The following ROR1 variants were observed in gnomAD, a reference collection of about 807,000 sequenced individuals.
ROR1 encodes the protein inactive tyrosine-protein kinase transmembrane receptor ROR1.
A neutral mutation model predicts 78.8 loss-of-function variants in ROR1; 19 were observed. The ratio of observed to expected loss-of-function variants is 0.24; its 90% CI spans 0.17 to 0.35. ROR1 has a LOEUF of 0.35. ROR1 is among the 10% of genes least tolerant of loss of function. The probability of loss-of-function intolerance (pLI) is 1.00; values close to 1 mark genes in which losing one functional copy is unlikely to be tolerated. For missense variants in ROR1, 917 were observed against 1,177.8 expected (o/e 0.78, Z 3.24); for synonymous variants, 386 against 433.6 (o/e 0.89, Z 1.36).
At chr1:63,801,770 T>G (rs371105234) in intron 1 of ROR1, among the ~76,000 whole-genome samples, 1 of 152,282 alleles carries the variant, frequency 6.6e-6, no homozygotes. Context: ...AGAAATGAAA[T>G]TAACTATTTT....
chr1:63,944,743 CAG>C (rs1486520332), intron 1 of ROR1, among the ~76,000 whole-genome samples: 1 of 152,136 alleles, frequency 6.6e-6, no homozygotes. Flanking sequence ...GCTCTGGATG[CAG>C]AGTCAGGAGA....
intron 4 of ROR1, among the ~76,000 whole-genome samples, chr1:64,073,610 AC>A (rs1282091671): frequency 3.9e-5 from 6 of 152,092 alleles, no homozygotes; most frequent in Non-Finnish European, 8.8e-5. Flanking sequence ...CTCTGCATAC[AC>A]CCCACAATTA....
chr1:63,793,296 A>G (rs1163682904), intron 1 of ROR1, among the ~76,000 whole-genome samples: 3 of 152,194 alleles, frequency 2.0e-5, no homozygotes, highest in Non-Finnish European at 4.4e-5. Flanking sequence ...CATGATGGCG[A>G]TGGTAAGCTC....
chr1:63,841,619 A>G (rs1176222217), intron 1 of ROR1, among the ~76,000 whole-genome samples: 3 of 152,216 alleles, frequency 2.0e-5, no homozygotes, highest in Non-Finnish European at 4.4e-5. Flanking sequence ...TGAGACTCTG[A>G]TTTGAGAAAA....
intron 1 of ROR1, among the ~76,000 whole-genome samples, chr1:63,918,784 G>A (rs1465193018): frequency 6.6e-6 from 1 of 152,142 alleles, no homozygotes; most frequent in East Asian, 1.9e-4. Context: ...AGTGAGGCAT[G>A]AGGCTGAGTG....
At chr1:64,169,217 C>T (rs1307402624) in intron 8 of ROR1, among the ~76,000 whole-genome samples, 1 of 152,192 alleles carries the variant, frequency 6.6e-6, no homozygotes, top group Non-Finnish European at 1.5e-5. Flanking sequence ...GCTCATCATT[C>T]CTCTGATGGG....
intron 1 of ROR1, among the ~76,000 whole-genome samples, chr1:63,836,112 A>G (rs546964707): frequency 5.3e-5 from 8 of 152,314 alleles, no homozygotes; most frequent in Non-Finnish European, 7.3e-5. Flanking sequence ...CTTCCTCCCA[A>G]TAGCCCCACT....
chr1:63,826,969 A>G (rs1644957601), intron 1 of ROR1, among the ~76,000 whole-genome samples: 1 of 152,084 alleles, frequency 6.6e-6, no homozygotes, highest in East Asian at 1.9e-4. Flanking sequence ...TTTGGTACGT[A>G]TACACCATGG....
intron 1 of ROR1, among the ~76,000 whole-genome samples, chr1:63,916,083 C>T (rs1429741235): frequency 6.6e-6 from 1 of 152,190 alleles, no homozygotes; most frequent in Non-Finnish European, 1.5e-5. Context: ...ATGCTACTCC[C>T]AAAGCTTATA....
At chr1:64,106,620 G>C (rs1022188172) in intron 4 of ROR1, 1 of 152,058 alleles carries the variant, frequency 6.6e-6, no homozygotes, top group African/African-American at 2.4e-5. Context: ...CTTTTATTTT[G>C]AGATATGTTC....
chr1:63,807,843 T>A (rs1054252810), intron 1 of ROR1, among the ~76,000 whole-genome samples: 1 of 152,138 alleles, frequency 6.6e-6, no homozygotes, highest in Non-Finnish European at 1.5e-5. Context: ...GATACAAAGA[T>A]GCGTGGACAC....
intron 1 of ROR1, among the ~76,000 whole-genome samples, chr1:63,859,055 G>C (rs558691133): frequency 2.0e-5 from 3 of 152,182 alleles, no homozygotes; most frequent in Non-Finnish European, 4.4e-5. Context: ...CCCTTCTGTT[G>C]TGTGTGTGCT....
chr1:64,026,539 A>G (rs76111582), intron 2 of ROR1, among the ~76,000 whole-genome samples: 1 of 152,322 alleles, frequency 6.6e-6, no homozygotes, highest in African/African-American at 2.4e-5. Context: ...AAAGAAAGCC[A>G]AAATATATCT....
At chr1:64,059,438 C>T (rs530399340) in intron 4 of ROR1, among the ~76,000 whole-genome samples, 13 of 152,204 alleles carry the variant, frequency 8.5e-5, no homozygotes, top group African/African-American at 1.2e-4. Flanking sequence ...CAGCCAGGTG[C>T]GGTGGCTCAT....
chr1:63,932,167 G>A (rs959751203), intron 1 of ROR1, among the ~76,000 whole-genome samples: 3 of 152,168 alleles, frequency 2.0e-5, no homozygotes, highest in Non-Finnish European at 2.9e-5. Context: ...CTGGCCTGTA[G>A]CAAGATGCTC....
rs1449138662 is a variant in ROR1 at position 64,121,084 on chromosome 1, T to C, written c.483-16285T>C. Among the ~76,000 whole-genome samples the C allele has an allele frequency of 9.3e-4, 52 of 55,824 alleles. 3 individuals carry two copies. Among genetic ancestry groups the C allele is most frequent in the South Asian group, 2.1e-3 (3 of 1,446 alleles). The allele number at this position is 55,824 out of a possible 152,430, so 36.6% of individuals were successfully genotyped here. Reference sequence around the variant, plus strand: ...CTTTTTTTTTTTTTTTTTTTTTTTTTTTTTTTTTTTTTTTGCTCAGCCCTA... The same window carrying C: ...CTTTTTTTTTTTTTTTTTTTTTTTTCTTTTTTTTTTTTTTGCTCAGCCCTA... On this transcript the variant is annotated intron_variant, in intron 4 of 8. Transcript: ENST00000371079.
In ROR1 at chr1:63,973,284, G is replaced by A. The variant is rs547464647; in HGVS notation, c.92-36021G>A. Among the ~76,000 whole-genome samples the A allele has an allele frequency of 3.3e-5, 5 of 152,288 alleles. No individual in the cohort carries two copies. In the South Asian group the frequency reaches 8.3e-4, roughly 25 times the overall value. ...ATGAATGAGGTTGAGCAGATGACAA[G>A]CAGAGATCTCTGGGCAGAAGATCAA... On this transcript the variant is annotated intron_variant, in intron 1 of 8. Transcript: ENST00000371079.
intron 4 of ROR1, among the ~76,000 whole-genome samples, chr1:64,136,838 C>A (rs977274398): frequency 1.3e-5 from 2 of 152,042 alleles, no homozygotes; most frequent in East Asian, 3.9e-4. Context: ...CCTCTTTGGG[C>A]AGGGTAGAGA....
chr1:64,031,777 A>G (rs1422116256), intron 2 of ROR1, among the ~76,000 whole-genome samples: 2 of 152,148 alleles, frequency 1.3e-5, no homozygotes, highest in Non-Finnish European at 2.9e-5. Flanking sequence ...CTAAATTCAG[A>G]TGGTTTAACT....
Sources: allele counts gnomAD v4.1 joint callset (sites outside exome capture counted in the v4.1 genomes callset), GRCh38; gene constraint gnomAD v4.1.1; transcripts MANE v1.5; gene names NCBI Gene and HGNC (gene_info 2026-07-23, HGNC 2026-07-21).